Variants in PTPRN2 observed in about 807,000 individuals in gnomAD.
PTPRN2 encodes protein tyrosine phosphatase receptor type N2, also known as receptor-type tyrosine-protein phosphatase N2.
A neutral mutation model predicts 118.8 loss-of-function variants in PTPRN2; 74 were observed. That is an observed-to-expected ratio of 0.62 (90% CI 0.52 to 0.76). The LOEUF (loss-of-function observed/expected upper bound fraction) is 0.76. PTPRN2 is among the 30% of genes least tolerant of loss of function. The pLI is 0.00. For synonymous variants in PTPRN2, 641 were observed against 608.0 expected (o/e 1.05, Z -0.80); for missense variants, 1,481 against 1,394.4 (o/e 1.06, Z -0.99).
intron 21 of PTPRN2, among the ~76,000 whole-genome samples, chr7:157,555,594 CG>C (rs1368170620): frequency 6.6e-6 from 1 of 152,218 alleles, no homozygotes; most frequent in Non-Finnish European, 1.5e-5. Flanking sequence ...GCATGGCTTC[CG>C]GCAGCCTGTT....
chr7:157,933,629 T>C (rs1373855741), intron 11 of PTPRN2, among the ~76,000 whole-genome samples: 1 of 150,252 alleles, frequency 6.7e-6, no homozygotes, highest in Non-Finnish European at 1.5e-5. Flanking sequence ...TGAGTCACCC[T>C]GATTGACAGT....
At chr7:158,114,363 C>T (rs1346335293) in intron 9 of PTPRN2, among the ~76,000 whole-genome samples, 1 of 152,186 alleles carries the variant, frequency 6.6e-6, no homozygotes, top group East Asian at 1.9e-4. Context: ...CTTGTTCAGG[C>T]ATCTGCTTTG....
intron 1 of PTPRN2, among the ~76,000 whole-genome samples, chr7:158,495,008 G>C (rs1821727288): frequency 6.6e-6 from 1 of 152,108 alleles, no homozygotes; most frequent in South Asian, 2.1e-4. Flanking sequence ...CAGTCACTCT[G>C]TGTCTTTGTC....
intron 2 of PTPRN2, among the ~76,000 whole-genome samples, chr7:158,465,625 G>A (rs1444096930): frequency 6.6e-6 from 1 of 152,216 alleles, no homozygotes; most frequent in Non-Finnish European, 1.5e-5. Flanking sequence ...CTTAGAAAGA[G>A]TCAGTACTTG....
chr7:158,366,388 CCA>C (rs67473442), intron 2 of PTPRN2, among the ~76,000 whole-genome samples: 123,014 of 140,252 alleles, frequency 0.88, 54,421 homozygotes, highest in Middle Eastern at 0.94. Context: ...GCACACACAC[CCA>C]CACACCCACA....
At chr7:158,391,790 G>A (rs895071048) in intron 2 of PTPRN2, among the ~76,000 whole-genome samples, 21 of 152,280 alleles carry the variant, frequency 1.4e-4, no homozygotes, top group African/African-American at 4.3e-4. Context: ...GGTCAGTACC[G>A]GGGGCGGGGG....
intron 2 of PTPRN2, among the ~76,000 whole-genome samples, chr7:158,402,488 C>G (rs1563065): frequency 6.6e-6 from 1 of 152,102 alleles, no homozygotes; most frequent in Non-Finnish European, 1.5e-5. Flanking sequence ...TGGGAGTCAG[C>G]GCCCTCCAAC....
At chr7:158,215,695 A>G (rs1237047781) in intron 3 of PTPRN2, among the ~76,000 whole-genome samples, 1 of 152,186 alleles carries the variant, frequency 6.6e-6, no homozygotes, top group African/African-American at 2.4e-5. Context: ...AATGGAGGCC[A>G]CAAGGAAACA....
intron 12 of PTPRN2, among the ~76,000 whole-genome samples, chr7:157,840,456 G>A (rs572315689): frequency 1.3e-4 from 19 of 148,322 alleles, no homozygotes; most frequent in East Asian, 4.2e-4. Flanking sequence ...CTGTGTGACC[G>A]CGTGTGACTG....
intron 11 of PTPRN2, among the ~76,000 whole-genome samples, chr7:157,916,534 C>T (rs1005302301): frequency 4.1e-4 from 63 of 152,200 alleles, no homozygotes; most frequent in Non-Finnish European, 8.5e-4. Flanking sequence ...CAGGTGAGTT[C>T]GAGAAGCACC....
intron 3 of PTPRN2, among the ~76,000 whole-genome samples, chr7:158,230,327 G>A (rs992766383): frequency 3.3e-5 from 5 of 152,128 alleles, no homozygotes; most frequent in African/African-American, 4.8e-5. Context: ...AAAACACACC[G>A]GTAAAAGTAA....
rs796510919 is a variant in PTPRN2 at position 157,738,797 on chromosome 7, G to A, written c.1789-55860C>T. 8.1e-4 allele frequency among the ~76,000 whole-genome samples: 123 copies of A among 152,102 alleles called. 1 individual carries two copies. The highest frequency in any genetic ancestry group is 2.9e-3 in the African/African-American group (121 of 41,484). ...TAGGGTTTTGTATGTATTATTTCTAGTTCCATGAAGGGGTAGGGGCATCAT... is the reference window on the plus strand; with the variant it reads ...TAGGGTTTTGTATGTATTATTTCTAATTCCATGAAGGGGTAGGGGCATCAT... On this transcript the variant is annotated intron_variant, in intron 12 of 22. Transcript: ENST00000389418.
At chr7:157,602,855 G>T (rs1359231153) in intron 16 of PTPRN2, among the ~76,000 whole-genome samples, 1 of 152,222 alleles carries the variant, frequency 6.6e-6, no homozygotes, top group Non-Finnish European at 1.5e-5. Flanking sequence ...AAGAAACTTT[G>T]GGACACCGTA....
chr7:158,398,682 C>T (rs1340923753), intron 2 of PTPRN2, among the ~76,000 whole-genome samples: 1 of 152,200 alleles, frequency 6.6e-6, no homozygotes, highest in African/African-American at 2.4e-5. Flanking sequence ...CAGAGGTAAG[C>T]ACCCTCAACT....
At chr7:158,283,233 G>A (rs954197318) in intron 3 of PTPRN2, among the ~76,000 whole-genome samples, 3 of 152,226 alleles carry the variant, frequency 2.0e-5, no homozygotes, top group Admixed American at 6.5e-5. Flanking sequence ...TCAGTCAGGC[G>A]GCAGCCGTCA....
intron 17 of PTPRN2, among the ~76,000 whole-genome samples, chr7:157,580,565 T>A (rs1193272492): frequency 1.6e-5 from 2 of 129,022 alleles, no homozygotes; most frequent in Non-Finnish European, 3.2e-5. Context: ...TCTGAGCACC[T>A]GCACATCCGA....
chr7:157,988,235 G>C (rs977589324), intron 11 of PTPRN2, among the ~76,000 whole-genome samples: 1 of 152,186 alleles, frequency 6.6e-6, no homozygotes, highest in Non-Finnish European at 1.5e-5. Context: ...GCCATTTCCA[G>C]CTTGTCTCCC....
chr7:157,914,546 G>A (rs1005735424), intron 11 of PTPRN2, among the ~76,000 whole-genome samples: 4 of 151,880 alleles, frequency 2.6e-5, no homozygotes, highest in African/African-American at 9.7e-5. Context: ...GTGATAGAGT[G>A]TGCCTCTTCC....
intron 17 of PTPRN2, 56 bp from the exon 18 acceptor site, chr7:157,578,196 T>A: frequency 6.5e-7 from 1 of 1,546,646 alleles, no homozygotes; most frequent in Non-Finnish European, 8.8e-7. Flanking sequence ...CCGCGTGACA[T>A]GTGTAATTAC....
Sources: allele counts gnomAD v4.1 joint callset (sites outside exome capture counted in the v4.1 genomes callset), GRCh38; gene constraint gnomAD v4.1.1; transcripts MANE v1.5; gene names NCBI Gene and HGNC (gene_info 2026-07-23, HGNC 2026-07-21).